HPSE2: variants seen among roughly 807,000 people sequenced by gnomAD.
HPSE2 encodes heparanase 2 (inactive).
Under a neutral mutation model 60.5 loss-of-function variants are expected in HPSE2, and 38 were observed. The ratio of observed to expected loss-of-function variants is 0.63; its 90% CI spans 0.48 to 0.82. The LOEUF is 0.82. Among genes scored for constraint, HPSE2 ranks in the 40% least tolerant of loss-of-function variants. The pLI is 0.00. For synonymous variants in HPSE2, 295 were observed against 293.2 expected, an observed-to-expected ratio of 1.01 and a Z score of -0.06; for missense variants, 713 against 740.4, an observed-to-expected ratio of 0.96 and a Z score of 0.43.
At chr10:98,646,194 G>A (rs573876750) in intron 6 of HPSE2, among the ~76,000 whole-genome samples, 2 of 152,244 alleles carry the variant, frequency 1.3e-5, no homozygotes, top group East Asian at 3.9e-4. Context: ...GTTGCATGTG[G>A]TGATAGGTCC....
chr10:98,549,558 C>A (rs1943798317), intron 9 of HPSE2, among the ~76,000 whole-genome samples: 1 of 152,166 alleles, frequency 6.6e-6, no homozygotes, highest in Non-Finnish European at 1.5e-5. Context: ...GTCTCCCTTG[C>A]AGCACTGACA....
At chr10:98,902,731 CTACA>C (rs1953700476) in intron 3 of HPSE2, among the ~76,000 whole-genome samples, 1 of 151,982 alleles carries the variant, frequency 6.6e-6, no homozygotes, top group Admixed American at 6.6e-5. Context: ...TTTTAAAACC[CTACA>C]TACAAATAAT....
At chr10:98,697,051 G>GA (rs34127446) in intron 5 of HPSE2, among the ~76,000 whole-genome samples, 14 of 151,442 alleles carry the variant, frequency 9.2e-5, no homozygotes, top group East Asian at 5.9e-4. Flanking sequence ...AAGAAGCAGT[G>GA]AAAAAAAAAC....
At chr10:99,276,887 C>T in the HPSE2 span, among the ~76,000 whole-genome samples, 1 of 152,236 alleles carries the variant, frequency 6.6e-6, no homozygotes, top group East Asian at 1.9e-4. Flanking sequence ...AATATTTGAG[C>T]ATATTTGTAA....
chr10:99,299,220 C>T, the HPSE2 span, among the ~76,000 whole-genome samples: 1 of 152,150 alleles, frequency 6.6e-6, no homozygotes, highest in African/African-American at 2.4e-5. Flanking sequence ...ACCCCTCCCC[C>T]TCATCCAACA....
At chr10:98,471,490 G>A (rs186722951) in intron 11 of HPSE2, among the ~76,000 whole-genome samples, 16 of 152,228 alleles carry the variant, frequency 1.1e-4, no homozygotes, top group African/African-American at 3.6e-4. Flanking sequence ...AATTTATTTC[G>A]AATAAAAAGA....
At chr10:99,313,533 T>C in the HPSE2 span, among the ~76,000 whole-genome samples, 1 of 150,842 alleles carries the variant, frequency 6.6e-6, no homozygotes, top group Non-Finnish European at 1.5e-5. Context: ...ACAACAGATT[T>C]AGAATATTCC....
chr10:98,716,544 T>C (rs1589695484), intron 5 of HPSE2, among the ~76,000 whole-genome samples: 2 of 152,186 alleles, frequency 1.3e-5, no homozygotes, highest in East Asian at 3.9e-4. Flanking sequence ...GTGAGTCTTT[T>C]CCAGAAGGTT....
the HPSE2 span, among the ~76,000 whole-genome samples, chr10:99,301,703 A>G: frequency 6.6e-6 from 1 of 152,160 alleles, no homozygotes; most frequent in Non-Finnish European, 1.5e-5. Context: ...CAGGGTGGCC[A>G]GGTTGCTTGT....
At chr10:98,569,340 C>T (rs568803288) in intron 9 of HPSE2, among the ~76,000 whole-genome samples, 5 of 152,238 alleles carry the variant, frequency 3.3e-5, no homozygotes, top group South Asian at 2.1e-4. Context: ...GGATTACAGA[C>T]GTGAGCCACT....
At chr10:98,863,217 T>C (rs1032665123) in intron 3 of HPSE2, among the ~76,000 whole-genome samples, 4 of 151,890 alleles carry the variant, frequency 2.6e-5, no homozygotes, top group Non-Finnish European at 5.9e-5. Context: ...TTGGAAAAAA[T>C]TGGAAAAGAA....
At chr10:99,175,903 G>A (rs925654219) in intron 2 of HPSE2, among the ~76,000 whole-genome samples, 1 of 152,182 alleles carries the variant, frequency 6.6e-6, no homozygotes, top group Non-Finnish European at 1.5e-5. Flanking sequence ...TGTCCCCCTG[G>A]AATGAAGCTT....
intron 3 of HPSE2, among the ~76,000 whole-genome samples, chr10:99,068,386 G>A (rs1245466648): frequency 6.6e-6 from 1 of 152,196 alleles, no homozygotes; most frequent in Non-Finnish European, 1.5e-5. Context: ...TGGCTGGGGA[G>A]ACTCACAATC....
intron 1 of HPSE2, among the ~76,000 whole-genome samples, chr10:99,234,926 G>A (rs1849788751): frequency 6.6e-6 from 1 of 152,094 alleles, no homozygotes; most frequent in Admixed American, 6.5e-5. Context: ...AATGACAGCG[G>A]AGGATATAAA....
At chr10:99,013,229 T>G (rs755513729) in intron 3 of HPSE2, 2 of 659,062 alleles carry the variant, frequency 3.0e-6, no homozygotes, top group Non-Finnish European at 5.8e-6. Flanking sequence ...ACTGGGAGAT[T>G]TCTGCTACAG....
At chr10:98,904,073 T>C (rs922263800) in intron 3 of HPSE2, among the ~76,000 whole-genome samples, 2 of 152,192 alleles carry the variant, frequency 1.3e-5, no homozygotes, top group Non-Finnish European at 1.5e-5. Context: ...ACAAAAGTAT[T>C]GTATAAACTA....
chr10:99,098,443 T>C (rs868663077), intron 3 of HPSE2, among the ~76,000 whole-genome samples: 7 of 152,184 alleles, frequency 4.6e-5, no homozygotes, highest in African/African-American at 1.7e-4. Flanking sequence ...ATTTTGCAAA[T>C]AGGCTATTTT....
intron 9 of HPSE2, among the ~76,000 whole-genome samples, chr10:98,527,835 T>C (rs561366956): frequency 1.2e-3 from 188 of 152,300 alleles, no homozygotes; most frequent in African/African-American, 4.5e-3. Flanking sequence ...CATGGGCCAC[T>C]GCTGTGCCCA....
intron 9 of HPSE2, among the ~76,000 whole-genome samples, chr10:98,549,125 T>C (rs1943782788): frequency 6.6e-6 from 1 of 152,116 alleles, no homozygotes; most frequent in African/African-American, 2.4e-5. Flanking sequence ...TGCTTAGGAG[T>C]AGAAATTCTG....
Sources: allele counts gnomAD v4.1 joint callset (sites outside exome capture counted in the v4.1 genomes callset), GRCh38; gene constraint gnomAD v4.1.1; transcripts MANE v1.5; gene names NCBI Gene and HGNC (gene_info 2026-07-23, HGNC 2026-07-21).